STAU2: variants seen among roughly 807,000 people sequenced by gnomAD.
The protein encoded by STAU2 is double-stranded RNA-binding protein Staufen homolog 2.
Under a neutral mutation model 65.9 loss-of-function variants are expected in STAU2, and 20 were observed. That is an observed-to-expected ratio of 0.30 (90% CI 0.21 to 0.44). The LOEUF (loss-of-function observed/expected upper bound fraction) is 0.44. Ranked by LOEUF, STAU2 falls within the 20% of genes least tolerant of loss-of-function variation. STAU2 has a pLI of 1.00. For synonymous variants in STAU2, 232 were observed against 233.9 expected (o/e 0.99, Z 0.07); for missense variants, 558 against 683.9 (o/e 0.82, Z 2.05).
In STAU2 at chr8:73,615,732, A is replaced by T. The variant is rs1014000996; in HGVS notation, c.621T>A (p.Ser207=). The change falls in exon 8 of 15, where the codon TCT becomes TCA. Residue 207 remains serine, a synonymous_variant. Transcript: ENST00000524300. The part of the protein sequence containing the change: ...DVDDDKDANK[S]EISLVFEIAL... ...CAATTTCAAACACTAAGCTGATCTCAGACTTATTTGCATCTTTGTCATCAT... is the reference window on the plus strand; with the variant it reads ...CAATTTCAAACACTAAGCTGATCTCTGACTTATTTGCATCTTTGTCATCAT... The T allele has an allele frequency of 7.4e-6, 12 of 1,612,994 alleles. No individual in the cohort carries two copies. The highest frequency in any genetic ancestry group is 1.3e-5 in the African/African-American group (1 of 74,924).
intron 6 of STAU2, among the ~76,000 whole-genome samples, chr8:73,627,231 G>GGGC (rs1563467173): frequency 3.7e-5 from 1 of 27,254 alleles, no homozygotes; most frequent in Non-Finnish European, 9.2e-5. Flanking sequence ...GGAGGGGGGG[G>GGGC]CAGGAGGGCG....
At chr8:73,609,605 G>A (rs1165513096) in intron 9 of STAU2, among the ~76,000 whole-genome samples, 1 of 152,112 alleles carries the variant, frequency 6.6e-6, no homozygotes, top group Non-Finnish European at 1.5e-5. Context: ...AGTGAGCCGA[G>A]ATCATGCCAT....
chr8:73,646,935 C>CACACA (rs1815419065), intron 6 of STAU2, among the ~76,000 whole-genome samples: 1 of 89,326 alleles, frequency 1.1e-5, no homozygotes, highest in East Asian at 3.0e-4. Flanking sequence ...AGACACACAG[C>CACACA]CAGACACACA....
intron 1 of STAU2, among the ~76,000 whole-genome samples, chr8:73,746,302 C>T (rs1470889701): frequency 2.0e-5 from 3 of 151,822 alleles, no homozygotes; most frequent in Non-Finnish European, 2.9e-5. Flanking sequence ...CTCCCCGGGC[C>T]GCCCTCCCCT....
chr8:73,607,938 C>T (rs973712758), intron 9 of STAU2, among the ~76,000 whole-genome samples: 2 of 152,072 alleles, frequency 1.3e-5, no homozygotes, highest in Non-Finnish European at 2.9e-5. Flanking sequence ...ACAGATTACA[C>T]GTTACACTAA....
At chr8:73,680,138 G>A (rs958149384) in intron 5 of STAU2, among the ~76,000 whole-genome samples, 2 of 124,438 alleles carry the variant, frequency 1.6e-5, no homozygotes, top group African/African-American at 3.0e-5. Context: ...ATCTGGGTGG[G>A]GGGTGGGGGA....
intron 3 of STAU2, among the ~76,000 whole-genome samples, chr8:73,719,510 G>C (rs530406880): frequency 2.1e-4 from 32 of 152,176 alleles, no homozygotes; most frequent in African/African-American, 7.7e-4. Flanking sequence ...AGTTTGCTGA[G>C]AGTCTTTATG....
intron 4 of STAU2, among the ~76,000 whole-genome samples, chr8:73,698,735 T>C (rs774928617): frequency 6.6e-6 from 1 of 151,994 alleles, no homozygotes; most frequent in Non-Finnish European, 1.5e-5. Context: ...GCTTTCAGCA[T>C]TGCACAGATC....
At chr8:73,708,918 C>G in intron 4 of STAU2, 114 bp downstream of exon 4, 12 of 979,520 alleles carry the variant, frequency 1.2e-5, no homozygotes, top group Non-Finnish European at 1.6e-5. Flanking sequence ...GAACTAAAAG[C>G]CTTCAAGCCA....
In STAU2 at chr8:73,421,223, A is replaced by G. The variant is rs1020154180; in HGVS notation, c.*149T>C. 20 of 672,446 alleles carry G rather than the reference A, an allele frequency of 3.0e-5. No individual in the cohort carries two copies. Among genetic ancestry groups the G allele is most frequent in the Non-Finnish European group, 4.3e-5 (17 of 396,292 alleles). 41.7% of individuals were successfully genotyped at this position (672,446 alleles called of 1,614,324 possible). A position where few individuals can be genotyped will look rare whatever the true frequency, so the allele number is the denominator to read the frequency against. On this transcript the variant is annotated 3_prime_UTR_variant, in exon 15 of 15. Coordinates refer to ENST00000524300, the MANE Select transcript of STAU2 (RefSeq NM_001164380.2). ...TTTCCCCAGTTGAATAAACAGTACC[A>G]TGTATATTATCTCTCGTGTTAGAAT...
chr8:73,712,355 T>A (rs1820960004), intron 3 of STAU2, among the ~76,000 whole-genome samples: 1 of 152,212 alleles, frequency 6.6e-6, no homozygotes, highest in Non-Finnish European at 1.5e-5. Context: ...GATATCTCTG[T>A]CACTTACTAA....
At chr8:73,558,840 A>G (rs1807979609) in intron 12 of STAU2, among the ~76,000 whole-genome samples, 1 of 152,092 alleles carries the variant, frequency 6.6e-6, no homozygotes, top group East Asian at 1.9e-4. Flanking sequence ...TTCCATTGCC[A>G]GCTTGAATTT....
intron 10 of STAU2, 124 bp downstream of exon 10, chr8:73,603,602 G>T (rs182629522): frequency 1.6e-6 from 2 of 1,283,088 alleles, no homozygotes. Context: ...TGGACAGAAT[G>T]AATGCTTTAA....
chr8:73,473,027 G>GA (rs1336545110), intron 13 of STAU2, among the ~76,000 whole-genome samples: 2 of 152,064 alleles, frequency 1.3e-5, no homozygotes, highest in Admixed American at 1.3e-4. Flanking sequence ...AGTTATTTCA[G>GA]AAAAAAATAT....
chr8:73,622,377 G>A (rs952459857), intron 6 of STAU2, among the ~76,000 whole-genome samples: 35 of 152,088 alleles, frequency 2.3e-4, no homozygotes, highest in Non-Finnish European at 4.3e-4. Flanking sequence ...CGCCCGCCTC[G>A]GCCTCTCAAA....
intron 9 of STAU2, among the ~76,000 whole-genome samples, chr8:73,612,844 GCCAGCAA>G (rs1056306480): frequency 1.1e-4 from 16 of 152,104 alleles, no homozygotes; most frequent in African/African-American, 3.1e-4. Context: ...GTGAGGCTGA[GCCAGCAA>G]CTAAAATGCT....
chr8:73,573,325 G>C (rs1809254367), intron 12 of STAU2, among the ~76,000 whole-genome samples: 1 of 152,212 alleles, frequency 6.6e-6, no homozygotes, highest in South Asian at 2.1e-4. Flanking sequence ...TGGGCATACT[G>C]CCCAAGGTAA....
intron 13 of STAU2, chr8:73,458,766 A>G (rs6472777): frequency 0.74 from 112,858 of 152,230 alleles, 42,345 homozygotes; most frequent in East Asian, 0.96. Flanking sequence ...CCAAAGTGGT[A>G]TAAACCAAGC....
chr8:73,436,523 C>T (rs1297306891), intron 13 of STAU2, among the ~76,000 whole-genome samples: 2 of 151,624 alleles, frequency 1.3e-5, no homozygotes, highest in Non-Finnish European at 2.9e-5. Flanking sequence ...TACACTGAAG[C>T]TCCCTCATCC....
Sources: allele counts gnomAD v4.1 joint callset (sites outside exome capture counted in the v4.1 genomes callset), GRCh38; gene constraint gnomAD v4.1.1; transcripts MANE v1.5; gene names NCBI Gene and HGNC (gene_info 2026-07-23, HGNC 2026-07-21).